Variants in PINX1 observed in about 807,000 individuals in gnomAD.
PINX1 encodes the protein PIN2 (TERF1) interacting telomerase inhibitor 1, also known as PIN2/TERF1-interacting telomerase inhibitor 1.
In PINX1, 34 loss-of-function variants were observed where a neutral mutation model predicts 25.4. The ratio of observed to expected loss-of-function variants is 1.34; its 90% CI spans 1.02 to 1.78. The LOEUF (loss-of-function observed/expected upper bound fraction) is 1.78. Among genes scored for constraint, PINX1 ranks in the 40% most tolerant of loss-of-function variants. The pLI is 0.00. For missense variants in PINX1, 592 were observed against 404.9 expected (o/e 1.46, Z -3.97); for synonymous variants, 197 against 147.7 (o/e 1.33, Z -2.42).
chr8:10,805,898 G>GA (rs567131194), intron 6 of PINX1, among the ~76,000 whole-genome samples: 2,546 of 74,842 alleles, frequency 0.034, 79 homozygotes, highest in African/African-American at 0.088. Context: ...AGTGCTGAGG[G>GA]GGTGACAGAG....
At chr8:10,788,692 A>G (rs1274999264) in intron 6 of PINX1, among the ~76,000 whole-genome samples, 2 of 152,208 alleles carry the variant, frequency 1.3e-5, no homozygotes, top group Non-Finnish European at 2.9e-5. Context: ...AAAGTGGCCT[A>G]CCTGAAGCCT....
At chr8:10,791,296 T>G (rs1489244271) in intron 6 of PINX1, among the ~76,000 whole-genome samples, 1 of 152,190 alleles carries the variant, frequency 6.6e-6, no homozygotes, top group Non-Finnish European at 1.5e-5. Context: ...ACTCTGTTTT[T>G]CAACATCCAG....
At chr8:10,800,217 T>C (rs372588605) in intron 6 of PINX1, among the ~76,000 whole-genome samples, 2 of 152,238 alleles carry the variant, frequency 1.3e-5, no homozygotes, top group African/African-American at 4.8e-5. Context: ...CAGCATTTGG[T>C]ATTATTCTTA....
At chr8:10,837,968 C>T (rs770917820) in intron 1 of PINX1, among the ~76,000 whole-genome samples, 4 of 152,212 alleles carry the variant, frequency 2.6e-5, no homozygotes, top group Admixed American at 6.5e-5. Flanking sequence ...ACTCTTATAA[C>T]ATATAAGTGA....
chr8:10,812,644 A>T (rs73208778), intron 6 of PINX1, among the ~76,000 whole-genome samples: 25,489 of 152,170 alleles, frequency 0.17, 2,554 homozygotes, highest in Non-Finnish European at 0.23. Flanking sequence ...TGTGCATAAC[A>T]TGCTTTCCAG....
intron 4 of PINX1, among the ~76,000 whole-genome samples, chr8:10,828,083 TTCCCTATG>T (rs1340837560): frequency 6.6e-6 from 1 of 152,186 alleles, no homozygotes; most frequent in East Asian, 1.9e-4. Context: ...AAAGGTATAG[TTCCCTATG>T]GGAACTATAC....
rs1032601452 is a variant in PINX1, at chr8:10,806,644, C to G, written c.471+13549G>C. 2.6e-5 allele frequency among the ~76,000 whole-genome samples: 4 copies of G among 152,206 alleles called. 1 individual carries two copies. Among genetic ancestry groups the G allele is most frequent in the African/African-American group, 9.7e-5 (4 of 41,434 alleles). On this transcript the variant is annotated intron_variant, in intron 6 of 6. Coordinates refer to ENST00000314787, the MANE Select transcript of PINX1 (RefSeq NM_017884.6). The stretch of plus-strand genomic sequence containing the variant: ...TACCCTGAGCCTAATGGCCCAACCA[C>G]TTTCCAGAGTGGGGAACAGCAGCCA...
intron 6 of PINX1, among the ~76,000 whole-genome samples, chr8:10,812,686 C>T (rs1320268358): frequency 2.6e-5 from 4 of 152,228 alleles, no homozygotes; most frequent in African/African-American, 7.2e-5. Flanking sequence ...ATTCCCTGAA[C>T]GTACTCCTTG....
intron 6 of PINX1, among the ~76,000 whole-genome samples, chr8:10,767,665 G>C (rs899943723): frequency 6.6e-6 from 1 of 152,260 alleles, no homozygotes; most frequent in Non-Finnish European, 1.5e-5. Flanking sequence ...CCCGGCACGA[G>C]CCAATCCCAG....
intron 6 of PINX1, among the ~76,000 whole-genome samples, chr8:10,781,576 G>C (rs1801587233): frequency 6.6e-6 from 1 of 152,128 alleles, no homozygotes; most frequent in Non-Finnish European, 1.5e-5. Flanking sequence ...ACATACACAT[G>C]ACCAAAAGAT....
chr8:10,767,344 G>C (rs13270447), intron 6 of PINX1, among the ~76,000 whole-genome samples: 1 of 151,946 alleles, frequency 6.6e-6, no homozygotes, highest in East Asian at 1.9e-4. Flanking sequence ...ATATTAATAT[G>C]TATCAATGGA....
At position 10,765,766 on chromosome 8, in the gene PINX1, C is replaced by A. The variant is rs780138973; in HGVS notation, c.622G>T (p.Glu208Ter). 2 of 1,613,986 alleles carry A rather than the reference C, an allele frequency of 1.2e-6. No homozygotes were observed. The highest frequency in any genetic ancestry group is 1.6e-4 in the Middle Eastern group (1 of 6,062). Residue 208 changes from glutamate to a stop codon, truncating the protein, a stop_gained, in exon 7 of 7, where the codon GAA (glutamate) becomes TAA (stop). Coordinates refer to ENST00000314787, the MANE Select transcript of PINX1 (RefSeq NM_017884.6). LOFTEE classifies it low-confidence loss of function (END_TRUNC). ...TTTCTTTTCTTCCCCCTTTTACGTT[C>A]CACCTGCGTCTCAGAAATGTCAGAC... is the stretch of plus-strand genomic sequence containing the variant. ...PGSDISETQV[E>*]RKRGKKRNKE... is the part of the protein sequence containing the mutation.
At chr8:10,811,521 C>G (rs1797521099) in intron 6 of PINX1, among the ~76,000 whole-genome samples, 1 of 152,202 alleles carries the variant, frequency 6.6e-6, no homozygotes, top group African/African-American at 2.4e-5. Context: ...AACATATCAG[C>G]CATTTCCCTG....
At chr8:10,834,927 T>C (rs1289377882) in intron 1 of PINX1, among the ~76,000 whole-genome samples, 152 bp from the exon 2 acceptor site, 1 of 152,356 alleles carries the variant, frequency 6.6e-6, no homozygotes, top group Non-Finnish European at 1.5e-5. Context: ...CTCAACAGAA[T>C]GTTAGACTGG....
chr8:10,823,442 C>G (rs951949234), intron 5 of PINX1, among the ~76,000 whole-genome samples: 1 of 151,998 alleles, frequency 6.6e-6, no homozygotes, highest in Non-Finnish European at 1.5e-5. Flanking sequence ...GTCAGAAAAC[C>G]TCAGAAATGG....
At chr8:10,800,543 C>T (rs192106309) in intron 6 of PINX1, among the ~76,000 whole-genome samples, 10 of 151,556 alleles carry the variant, frequency 6.6e-5, no homozygotes, top group Non-Finnish European at 1.5e-4. Context: ...GATCTCAGCT[C>T]ACTGCAGCCT....
At chr8:10,838,062 C>G (rs1163474326) in intron 1 of PINX1, among the ~76,000 whole-genome samples, 1 of 152,202 alleles carries the variant, frequency 6.6e-6, no homozygotes, top group African/African-American at 2.4e-5. Context: ...TAACCCTAAC[C>G]AAGTTGTCGC....
chr8:10,823,674 T>C (rs1405572970), intron 5 of PINX1, among the ~76,000 whole-genome samples: 1 of 151,898 alleles, frequency 6.6e-6, no homozygotes, highest in African/African-American at 2.4e-5. Flanking sequence ...ACTAAAACGA[T>C]ATAACCAACC....
rs765025941 is a variant in PINX1, at chr8:10,766,495, C to T, written c.472-579G>A. 2.2e-4 allele frequency among the ~76,000 whole-genome samples: 33 copies of T among 152,328 alleles called. 1 individual carries two copies. Among genetic ancestry groups the T allele is most frequent in the Admixed American group, 7.2e-4 (11 of 15,294 alleles). The stretch of plus-strand genomic sequence containing the variant: ...TTCTCCCCCAAAGGTGGAGCGTGGC[C>T]GCTCTGGCAGCTGCTCCTGAAGGGA... On this transcript the variant is annotated intron_variant, in intron 6 of 6. Transcript: ENST00000314787.
Sources: allele counts gnomAD v4.1 joint callset (sites outside exome capture counted in the v4.1 genomes callset), GRCh38; gene constraint gnomAD v4.1.1; transcripts MANE v1.5; gene names NCBI Gene and HGNC (gene_info 2026-07-23, HGNC 2026-07-21).